Variants in ZFHX3 observed in about 807,000 individuals in gnomAD.
ZFHX3 encodes zinc finger homeobox 3, also known as zinc finger homeobox protein 3.
Under a neutral mutation model 279.1 loss-of-function variants are expected in ZFHX3, and 42 were observed. The observed-to-expected ratio is 0.15, with a 90% confidence interval of 0.12 to 0.19. ZFHX3 has a LOEUF of 0.19. ZFHX3 is among the 10% of genes least tolerant of loss of function. ZFHX3 has a pLI of 1.00. For synonymous variants in ZFHX3, 2,293 were observed against 1,957.8 expected (o/e 1.17, Z -4.52); for missense variants, 4,981 against 4,754.0 (o/e 1.05, Z -1.40).
chr16:72,788,141 G>C lies in ZFHX3; in HGVS notation c.10135C>G (p.Gln3379Glu). Residue 3379 changes from glutamine (Q) to glutamate (E), a missense_variant, in exon 10 of 10, where the codon CAG (glutamine) becomes GAG (glutamate). By Grantham distance (29) the Gln-to-Glu change is conservative. Transcript: ENST00000268489. ...TGCTGCTGCTGTAGTTGCCGCTGCT[G>C]CTGCTGCTGAATTGCCTCCTGCAGA... The part of the protein sequence containing the change: ...QSLQEAIQQQ[Q>E]QRQLQQQQQQ... 1 of 1,612,270 alleles carries C rather than the reference G, an allele frequency of 6.2e-7. No individual in the cohort carries two copies. The highest frequency in any genetic ancestry group is 1.1e-5 in the South Asian group (1 of 90,984).
At chr16:73,043,864 T>G (rs973888229) in intron 1 of ZFHX3, among the ~76,000 whole-genome samples, 1 of 152,240 alleles carries the variant, frequency 6.6e-6, no homozygotes, top group Non-Finnish European at 1.5e-5. Flanking sequence ...CTTTAAATCA[T>G]AGAGAAAAGC....
In ZFHX3 at chr16:72,794,541, G is replaced by A; in HGVS notation, c.8141C>T (p.Pro2714Leu). The change falls in exon 9 of 10, where the codon CCT (proline) becomes CTT (leucine). Residue 2714 changes from proline (P) to leucine (L), a missense_variant. Transcript: ENST00000268489. The surrounding 1 kb of genome is among the most constrained non-coding windows in gnomAD (Gnocchi z 4.2). ...GGCTTTGAAGAGCGCTCTGCAAAAAGGGCATCTCCTGTGGGCCTGCGCTGG... is the reference window on the plus strand; with the variant it reads ...GGCTTTGAAGAGCGCTCTGCAAAAAAGGCATCTCCTGTGGGCCTGCGCTGG... ...VGPAQAHRRC[P>L]FCRALFKAKT... 6.2e-7 allele frequency: 1 copy of A among 1,614,184 alleles called. No individual in the cohort carries two copies. The highest frequency in any genetic ancestry group is 1.7e-5 in the Admixed American group (1 of 60,026).
At chr16:73,735,929 G>T (rs564871771) in intron 1 of ZFHX3, among the ~76,000 whole-genome samples, 3 of 51,036 alleles carry the variant, frequency 5.9e-5, no homozygotes, top group African/African-American at 1.8e-4. Flanking sequence ...TGCTCTGAAG[G>T]TTGGTGCACC....
intron 2 of ZFHX3, 115 bp from the exon 3 acceptor site, chr16:72,951,080 C>T (rs1960974982): frequency 7.0e-7 from 1 of 1,438,102 alleles, no homozygotes; most frequent in African/African-American, 1.4e-5. Context: ...GAGAAGATGA[C>T]ATTTCAAGTG....
At chr16:72,843,460 G>A (rs1232866385) in intron 4 of ZFHX3, among the ~76,000 whole-genome samples, 1 of 146,464 alleles carries the variant, frequency 6.8e-6, no homozygotes, top group African/African-American at 2.5e-5. Context: ...GCAGTGAGCC[G>A]AGATCCCGCC....
At chr16:73,880,568 C>CTAGTGAAGTTAAAATTG (rs2142411699) in intron 1 of ZFHX3, among the ~76,000 whole-genome samples, 1 of 152,176 alleles carries the variant, frequency 6.6e-6, no homozygotes, top group South Asian at 2.1e-4. Context: ...TTCAAGAGGG[C>CTAGTGAAGTTAAAATTG]TAGTGAAGTT....
intron 4 of ZFHX3, among the ~76,000 whole-genome samples, chr16:72,859,438 C>T (rs914147574): frequency 6.6e-6 from 1 of 152,206 alleles, no homozygotes; most frequent in African/African-American, 2.4e-5. Context: ...CAAAATCCCA[C>T]CTCAGCCTTC....
intron 1 of ZFHX3, among the ~76,000 whole-genome samples, chr16:73,789,899 C>G (rs1041345654): frequency 6.6e-6 from 1 of 152,126 alleles, no homozygotes; most frequent in Non-Finnish European, 1.5e-5. Context: ...GTAAACAAGG[C>G]CTTTTTCTCC....
intron 2 of ZFHX3, among the ~76,000 whole-genome samples, chr16:73,636,964 C>A (rs1476597919): frequency 6.6e-6 from 1 of 151,394 alleles, no homozygotes; most frequent in Non-Finnish European, 1.5e-5. Flanking sequence ...ATTTTGGGAA[C>A]AAACATGATA....
intron 2 of ZFHX3, among the ~76,000 whole-genome samples, chr16:73,542,163 C>T (rs2020028182): frequency 6.6e-6 from 1 of 152,068 alleles, no homozygotes; most frequent in South Asian, 2.1e-4. Flanking sequence ...TGTCAAATCC[C>T]TTGCACGAAT....
At chr16:73,473,678 A>T (rs921371001) in intron 2 of ZFHX3, among the ~76,000 whole-genome samples, 2 of 152,190 alleles carry the variant, frequency 1.3e-5, no homozygotes, top group Admixed American at 1.3e-4. Context: ...TGAAAAGAAC[A>T]TGTTGCTACC....
At chr16:73,265,199 A>C (rs2144973200) in intron 4 of ZFHX3, among the ~76,000 whole-genome samples, 2 of 152,156 alleles carry the variant, frequency 1.3e-5, no homozygotes, top group Admixed American at 1.3e-4. Context: ...ATAAACACAC[A>C]TGTGCAAGTA....
intron 4 of ZFHX3, among the ~76,000 whole-genome samples, chr16:72,885,145 G>A (rs781282610): frequency 5.3e-5 from 8 of 152,222 alleles, no homozygotes; most frequent in Admixed American, 2.0e-4. Flanking sequence ...AAAGTGTAAC[G>A]ACAAAGACCA....
intron 5 of ZFHX3, among the ~76,000 whole-genome samples, chr16:73,222,010 A>T (rs1451158257): frequency 6.6e-6 from 1 of 152,038 alleles, no homozygotes; most frequent in Non-Finnish European, 1.5e-5. Flanking sequence ...TTATTTAAAA[A>T]TTTTCCCTAT....
chr16:72,813,547 C>T (rs917892992), intron 5 of ZFHX3, among the ~76,000 whole-genome samples: 1 of 152,136 alleles, frequency 6.6e-6, no homozygotes, highest in Non-Finnish European at 1.5e-5. Flanking sequence ...GACCTTTAAC[C>T]CCAGTATCTT....
At chr16:72,913,973 A>C (rs2039380940) in intron 3 of ZFHX3, among the ~76,000 whole-genome samples, 1 of 152,214 alleles carries the variant, frequency 6.6e-6, no homozygotes, top group African/African-American at 2.4e-5. Flanking sequence ...GCACAAGATT[A>C]CAACAATCCT....
At chr16:72,917,332 C>T (rs538636800) in intron 3 of ZFHX3, among the ~76,000 whole-genome samples, 10 of 152,236 alleles carry the variant, frequency 6.6e-5, no homozygotes, top group African/African-American at 2.4e-4. Context: ...CAAAACATAC[C>T]ATAAACAGCA....
intron 1 of ZFHX3, among the ~76,000 whole-genome samples, chr16:73,019,696 G>A (rs1460937507): frequency 6.6e-6 from 1 of 152,176 alleles, no homozygotes; most frequent in African/African-American, 2.4e-5. Flanking sequence ...CAACGTCTCA[G>A]TCCAAACCCT....
chr16:73,710,238 A>C (rs1393278631), intron 1 of ZFHX3, among the ~76,000 whole-genome samples: 1 of 152,220 alleles, frequency 6.6e-6, no homozygotes, highest in African/African-American at 2.4e-5. Flanking sequence ...TGGATGCATT[A>C]AGCATTTAAA....
Sources: allele counts gnomAD v4.1 joint callset (sites outside exome capture counted in the v4.1 genomes callset), GRCh38; gene constraint gnomAD v4.1.1; non-coding constraint Gnocchi (gnomAD v3.1); transcripts MANE v1.5; gene names NCBI Gene and HGNC (gene_info 2026-07-23, HGNC 2026-07-21).